The following PAMR1 variants were observed in gnomAD, a reference collection of about 807,000 sequenced individuals.
PAMR1 encodes peptidase domain containing associated with muscle regeneration 1.
A neutral mutation model predicts 81.8 loss-of-function variants in PAMR1; 88 were observed. The ratio of observed to expected loss-of-function variants is 1.08; its 90% CI spans 0.91 to 1.28. PAMR1 has a LOEUF of 1.28. Among genes scored for constraint, PAMR1 ranks in the 50% most tolerant of loss-of-function variants. The pLI, the probability that PAMR1 is intolerant of heterozygous loss-of-function variation, is 0.00. For missense variants in PAMR1, 935 were observed against 919.7 expected (o/e 1.02, Z -0.21); for synonymous variants, 336 against 345.3 (o/e 0.97, Z 0.30).
chr11:35,529,382 A>G (rs114372361), upstream of PAMR1, among the ~76,000 whole-genome samples: 168 of 152,306 alleles, frequency 1.1e-3, 1 homozygote, highest in African/African-American at 3.8e-3. Context: ...AATATATACA[A>G]TCATTGAGTC....
chr11:35,440,658 A>G (rs1856145504), intron 7 of PAMR1, among the ~76,000 whole-genome samples: 1 of 152,218 alleles, frequency 6.6e-6, no homozygotes, highest in Non-Finnish European at 1.5e-5. Context: ...ATTCAGTGAG[A>G]AACTATGCAT....
chr11:35,441,794 T>C (rs905676213), intron 6 of PAMR1, 101 bp from the exon 7 acceptor site: 13 of 721,588 alleles, frequency 1.8e-5, no homozygotes, highest in African/African-American at 1.8e-4. Context: ...TACAATGATA[T>C]AGGATCTGGT....
chr11:35,440,023 T>A (rs961757060), intron 7 of PAMR1, among the ~76,000 whole-genome samples: 6 of 152,152 alleles, frequency 3.9e-5, no homozygotes, highest in Non-Finnish European at 4.4e-5. Flanking sequence ...CAAAATGGAA[T>A]AAAAGTCAAA....
chr11:35,480,064 C>T (rs987936449), intron 3 of PAMR1, among the ~76,000 whole-genome samples: 1 of 152,178 alleles, frequency 6.6e-6, no homozygotes, highest in Non-Finnish European at 1.5e-5. Context: ...GTCTGCCTCC[C>T]CCATGACGCA....
Position 35,432,642 on chromosome 11 carries a change from TCCACCACACTGA to T in PAMR1, c.1865_1876del (p.Val622_Val625del). 1 of 1,613,936 alleles carries T rather than the reference TCCACCACACTGA, an allele frequency of 6.2e-7. No homozygotes were observed. Among genetic ancestry groups the T allele is most frequent in the South Asian group, 1.1e-5 (1 of 91,038 alleles). The stretch of plus-strand genomic sequence containing the variant: ...ATGCTGCTCCTCACACAGCAGCGAG[TCCACCACACTGA>T]CCACCCCAGAGCGCAGTGTGTCGTT... On this transcript the variant is annotated inframe_deletion, in exon 11 of 11. Transcript: ENST00000619888.
chr11:35,509,083 C>T (rs1851029131), intron 1 of PAMR1, among the ~76,000 whole-genome samples: 1 of 152,072 alleles, frequency 6.6e-6, no homozygotes, highest in Non-Finnish European at 1.5e-5. Context: ...ACTATATTTG[C>T]AAAAATAAAA....
intron 1 of PAMR1, among the ~76,000 whole-genome samples, chr11:35,513,068 A>G (rs1851101520): frequency 6.6e-6 from 1 of 152,238 alleles, no homozygotes; most frequent in South Asian, 2.1e-4. Context: ...AAGATCAACA[A>G]TCATGCTCTG....
At chr11:35,487,168 C>T (rs960379996) in intron 3 of PAMR1, among the ~76,000 whole-genome samples, 21 of 151,576 alleles carry the variant, frequency 1.4e-4, no homozygotes, top group Admixed American at 6.6e-5. Context: ...ACTCACAGAC[C>T]CATGAGAAAG....
At chr11:35,433,483 T>C (rs537530938) in intron 10 of PAMR1, among the ~76,000 whole-genome samples, 3 of 152,382 alleles carry the variant, frequency 2.0e-5, no homozygotes, top group African/African-American at 7.2e-5. Context: ...TGGGAGCCTG[T>C]AGGAGCACAC....
At position 35,491,458 on chromosome 11, in the gene PAMR1, A is replaced by G. The variant is rs575858455; in HGVS notation, c.379+587T>C. ...TTGAGATACAGACTCTCAGAGGGAC[A>G]TTCATCATTCAGGGCACTGTCGGGG... On this transcript the variant is annotated intron_variant, in intron 3 of 10. Transcript: ENST00000619888. Among the ~76,000 whole-genome samples, 10 of 152,350 alleles carry G rather than the reference A, an allele frequency of 6.6e-5. No homozygotes were observed. In the East Asian group the frequency reaches 1.7e-3, roughly 26 times the overall value.
intron 2 of PAMR1, among the ~76,000 whole-genome samples, chr11:35,492,387 A>G (rs1850647796): frequency 6.6e-6 from 1 of 152,216 alleles, no homozygotes; most frequent in Admixed American, 6.5e-5. Context: ...GGGTGGTCTC[A>G]ACGAGTATCC....
At chr11:35,512,054 C>T (rs573074379) in intron 1 of PAMR1, among the ~76,000 whole-genome samples, 1 of 152,362 alleles carries the variant, frequency 6.6e-6, no homozygotes, top group South Asian at 2.1e-4. Context: ...TAACAGCATA[C>T]TGACAGCTGG....
intron 1 of PAMR1, among the ~76,000 whole-genome samples, chr11:35,525,209 T>G (rs570932896): frequency 6.6e-6 from 1 of 152,334 alleles, no homozygotes; most frequent in East Asian, 1.9e-4. Context: ...AATTTGGTAC[T>G]TTTAAAATGA....
At chr11:35,490,942 T>C (rs1188257661) in intron 3 of PAMR1, among the ~76,000 whole-genome samples, 1 of 152,252 alleles carries the variant, frequency 6.6e-6, no homozygotes, top group Non-Finnish European at 1.5e-5. Flanking sequence ...CTAGAGCTTG[T>C]ATTCTGCTCA....
At chr11:35,437,569 T>C (rs1264505291) in intron 8 of PAMR1, among the ~76,000 whole-genome samples, 1 of 152,206 alleles carries the variant, frequency 6.6e-6, no homozygotes, top group Non-Finnish European at 1.5e-5. Flanking sequence ...TACACTGTCG[T>C]TGGGGGCTTC....
intron 6 of PAMR1, among the ~76,000 whole-genome samples, chr11:35,457,457 G>C (rs545762907): frequency 1.1e-4 from 17 of 152,082 alleles, no homozygotes; most frequent in African/African-American, 3.4e-4. Flanking sequence ...GCACTTCTCA[G>C]CCTCCATAAT....
chr11:35,468,068 G>A lies in PAMR1; in HGVS notation c.753C>T (p.Val251=). 6.4e-7 allele frequency: 1 copy of A among 1,558,702 alleles called. No individual in the cohort carries two copies. Among genetic ancestry groups the A allele is most frequent in the Non-Finnish European group, 8.7e-7 (1 of 1,149,928 alleles). ...SSPCFHDGTC[V]LDKAGSYKCA... Reference sequence around the variant, plus strand: ...ACTTGTAAGATCCAGCCTTGTCAAGGACGCACGTGCCGTCATGGAAACAAG... The same window carrying A: ...ACTTGTAAGATCCAGCCTTGTCAAGAACGCACGTGCCGTCATGGAAACAAG... Residue 251 remains valine (V), a synonymous_variant, in exon 6 of 11, where the codon GTC becomes GTT. Transcript: ENST00000619888.
intron 1 of PAMR1, among the ~76,000 whole-genome samples, chr11:35,517,321 G>A (rs535484257): frequency 2.6e-5 from 4 of 152,356 alleles, no homozygotes; most frequent in African/African-American, 4.8e-5. Flanking sequence ...CAAACGTTAA[G>A]TGATGAGGAC....
At chr11:35,468,348 T>C (rs2135376271) in intron 5 of PAMR1, among the ~76,000 whole-genome samples, 1 of 152,342 alleles carries the variant, frequency 6.6e-6, no homozygotes, top group South Asian at 2.1e-4. Flanking sequence ...TTAACGCTCC[T>C]ATAGTCTGAA....
Sources: gnomAD v4.1 joint callset for allele counts (sites outside exome capture counted in the v4.1 genomes callset) on GRCh38, gnomAD v4.1.1 for gene constraint, MANE v1.5 for transcripts, NCBI Gene and HGNC (gene_info 2026-07-23, HGNC 2026-07-21) for gene names.